Variants in DNAI1 observed in about 807,000 individuals in gnomAD.
DNAI1 encodes the protein dynein axonemal intermediate chain 1, also known as dynein, axonemal, intermediate polypeptide 1.
A neutral mutation model predicts 92.0 loss-of-function variants in DNAI1; 67 were observed. The ratio of observed to expected loss-of-function variants is 0.73; its 90% CI spans 0.60 to 0.89. The LOEUF (loss-of-function observed/expected upper bound fraction) is 0.89. Ranked by LOEUF, DNAI1 falls within the 40% of genes least tolerant of loss-of-function variation. The pLI is 0.00. For missense variants in DNAI1, 839 were observed against 866.6 expected (o/e 0.97, Z 0.40); for synonymous variants, 323 against 319.6 (o/e 1.01, Z -0.11).
At position 34,480,714 on chromosome 9, in the gene DNAI1, C is replaced by T. The variant is rs572578493; in HGVS notation, c.49-2734C>T. 3.9e-5 allele frequency among the ~76,000 whole-genome samples: 6 copies of T among 152,006 alleles called. No individual in the cohort carries two copies. The South Asian group carries it at 8.3e-4, about 21-fold the overall frequency. ...ATCCCAGCACATTGGGAGGCTGAAG[C>T]GGGTGGATCACCTGAGGTCAGGAGT... On this transcript the variant is annotated intron_variant, in intron 1 of 19. Transcript: ENST00000242317.
chr9:34,466,838 C>T (rs1824047510), intron 1 of DNAI1, among the ~76,000 whole-genome samples: 1 of 152,208 alleles, frequency 6.6e-6, no homozygotes, highest in Non-Finnish European at 1.5e-5. Flanking sequence ...TCCGCTCCCT[C>T]ATAATTTTAG....
At chr9:34,477,627 A>C (rs1046036723) in intron 1 of DNAI1, among the ~76,000 whole-genome samples, 1 of 152,122 alleles carries the variant, frequency 6.6e-6, no homozygotes. Context: ...ATATTAAAGA[A>C]ATAGAATTGT....
chr9:34,500,396 A>T (rs1824804814), intron 10 of DNAI1, among the ~76,000 whole-genome samples: 1 of 152,174 alleles, frequency 6.6e-6, no homozygotes, highest in Admixed American at 6.5e-5. Flanking sequence ...AATGCTAGGG[A>T]AACACATGGG....
chr9:34,481,518 T>C (rs945176995), intron 1 of DNAI1, among the ~76,000 whole-genome samples: 2 of 152,202 alleles, frequency 1.3e-5, no homozygotes, highest in African/African-American at 4.8e-5. Context: ...CTGGAATTGG[T>C]GGGTTCTTGG....
Position 34,520,860 on chromosome 9 carries a change from G to C in DNAI1, c.*104G>C. On this transcript the variant is annotated 3_prime_UTR_variant, in exon 20 of 20. Transcript: ENST00000242317. ...GCACCCAGCATGTGACCCCACTCCT[G>C]ATCAGGTCCCAGCATCTTCCCTTCT... 3 of 1,091,706 alleles carry C rather than the reference G, an allele frequency of 2.7e-6. No homozygotes were observed. Among genetic ancestry groups the C allele is most frequent in the South Asian group, 2.7e-5 (2 of 74,564 alleles). 67.6% of individuals were successfully genotyped at this position (1,091,706 alleles called of 1,614,324 possible). A position where few individuals can be genotyped will look rare whatever the true frequency, so the allele number is the denominator to read the frequency against.
At chr9:34,468,701 C>T (rs1272760435) in intron 1 of DNAI1, among the ~76,000 whole-genome samples, 1 of 151,772 alleles carries the variant, frequency 6.6e-6, no homozygotes, top group African/African-American at 2.4e-5. Flanking sequence ...GTGGTATGCC[C>T]CTGTGGTCCC....
chr9:34,468,303 T>C (rs1177883776), intron 1 of DNAI1, among the ~76,000 whole-genome samples: 1 of 151,192 alleles, frequency 6.6e-6, no homozygotes, highest in Non-Finnish European at 1.5e-5. Flanking sequence ...TGCCTCAGCC[T>C]CCCGAGTAGC....
chr9:34,491,461 C>T, intron 7 of DNAI1, 34 bp from the exon 8 acceptor site: 5 of 1,613,228 alleles, frequency 3.1e-6, no homozygotes, highest in Non-Finnish European at 4.2e-6. Context: ...GAGTTGAGGG[C>T]TTTTTGTGGG....
At chr9:34,502,571 G>A (rs554781640) in intron 12 of DNAI1, among the ~76,000 whole-genome samples, 215 of 152,280 alleles carry the variant, frequency 1.4e-3, no homozygotes, top group African/African-American at 5.0e-3. Flanking sequence ...GGCTCAGCTG[G>A]TCGGGGTCAT....
chr9:34,514,411 C>T lies in DNAI1; in HGVS notation c.1587C>T (p.Ser529=), dbSNP rs1204149839. The T allele has an allele frequency of 1.2e-6, 2 of 1,614,180 alleles. No individual in the cohort carries two copies. Among genetic ancestry groups the T allele is most frequent in the East Asian group, 4.5e-5 (2 of 44,878 alleles). The change falls in exon 17 of 20, where the codon TCC becomes TCT. Residue 529 remains serine, a synonymous_variant. Coordinates refer to ENST00000242317, the MANE Select transcript of DNAI1 (RefSeq NM_012144.4). ...GKIYKCSKSY[S]SQFLDTYDAH... The stretch of plus-strand genomic sequence containing the variant: ...CCGACCAGTGCTCTAAATCCTACTC[C>T]AGCCAATTCCTCGACACCTATGACG...
At chr9:34,509,257 TGAA>T (rs1376665116) in intron 13 of DNAI1, among the ~76,000 whole-genome samples, 1 of 151,992 alleles carries the variant, frequency 6.6e-6, no homozygotes, top group African/African-American at 2.4e-5. Context: ...GTTAGTGAGA[TGAA>T]GAAGGGTACA....
chr9:34,508,192 C>G (rs1025772093), intron 13 of DNAI1, among the ~76,000 whole-genome samples: 1 of 152,340 alleles, frequency 6.6e-6, no homozygotes, highest in African/African-American at 2.4e-5. Context: ...AGTCTGCAGG[C>G]AAGTTCTACA....
chr9:34,496,429 A>G (rs1180732045), intron 9 of DNAI1, among the ~76,000 whole-genome samples: 1 of 152,202 alleles, frequency 6.6e-6, no homozygotes, highest in Non-Finnish European at 1.5e-5. Flanking sequence ...TCTTCTGTCA[A>G]CCTGCCAAGC....
rs16931544 is a variant in DNAI1, at chr9:34,476,826, A to G, written c.49-6622A>G. On this transcript the variant is annotated intron_variant, in intron 1 of 19. Coordinates refer to ENST00000242317, the MANE Select transcript of DNAI1 (RefSeq NM_012144.4). The stretch of plus-strand genomic sequence containing the variant: ...CTATCACCTGTGTGAGGCTTGGGGC[A>G]TATCTAACCACTGGGCACACAGGCT... Among the ~76,000 whole-genome samples, 113 of 152,292 alleles carry G rather than the reference A, an allele frequency of 7.4e-4. No homozygotes were observed. The East Asian group carries it at 0.013, about 18-fold the overall frequency.
chr9:34,471,259 T>C (rs1406175333), intron 1 of DNAI1, among the ~76,000 whole-genome samples: 1 of 150,752 alleles, frequency 6.6e-6, no homozygotes, highest in East Asian at 1.9e-4. Flanking sequence ...AGACCCCTTC[T>C]CTACCAAAAA....
rs779059643 is a variant in DNAI1, at chr9:34,513,099, C to T, written c.1490-13C>T. On this transcript the variant is annotated splice_polypyrimidine_tract_variant and intron_variant, in intron 15 of 19. Transcript: ENST00000242317. ...GGAACTGGGCTAAGCCTGCCCCTCC[C>T]TCTTTTCCCAAGGTTGTGGCACTGC... is the stretch of plus-strand genomic sequence containing the variant. 8 of 1,613,152 alleles carry T rather than the reference C, an allele frequency of 5.0e-6. No individual in the cohort carries two copies. Among genetic ancestry groups the T allele is most frequent in the Non-Finnish European group, 6.8e-6 (8 of 1,179,154 alleles).
chr9:34,468,044 C>T (rs758278441), intron 1 of DNAI1, among the ~76,000 whole-genome samples: 3 of 151,800 alleles, frequency 2.0e-5, no homozygotes, highest in African/African-American at 4.8e-5. Flanking sequence ...AATGGATGCA[C>T]GGATGGAGAA....
At chr9:34,503,571 GC>G (rs1445310377) in intron 12 of DNAI1, among the ~76,000 whole-genome samples, 1 of 152,284 alleles carries the variant, frequency 6.6e-6, no homozygotes, top group African/African-American at 2.4e-5. Flanking sequence ...CTGTGACTCA[GC>G]CAAATAAAAC....
At position 34,511,829 on chromosome 9, in the gene DNAI1, T is replaced by A. The variant is rs891935244; in HGVS notation, c.1312-280T>A. 2.6e-5 allele frequency among the ~76,000 whole-genome samples: 4 copies of A among 152,036 alleles called. No homozygotes were observed. In the East Asian group the frequency reaches 7.7e-4, roughly 29 times the overall value. On this transcript the variant is annotated intron_variant, in intron 13 of 19. Transcript: ENST00000242317. Reference sequence around the variant, plus strand: ...TCCTGGAACCCAACCCAGGGAGGGATTGGGTACCTCCACTGCCAAGCCAGT... The same window carrying A: ...TCCTGGAACCCAACCCAGGGAGGGAATGGGTACCTCCACTGCCAAGCCAGT...
Sources: gnomAD v4.1 joint callset for allele counts (sites outside exome capture counted in the v4.1 genomes callset) on GRCh38, gnomAD v4.1.1 for gene constraint, MANE v1.5 for transcripts, NCBI Gene and HGNC (gene_info 2026-07-23, HGNC 2026-07-21) for gene names.